Variants in HS3ST4 observed in about 807,000 individuals in gnomAD.
The protein encoded by HS3ST4 is heparan sulfate glucosamine 3-O-sulfotransferase 4.
HS3ST4 carries 17 observed loss-of-function variants against 29.2 expected under a neutral mutation model. The observed-to-expected ratio is 0.58, with a 90% CI of 0.40 to 0.87. The LOEUF (loss-of-function observed/expected upper bound fraction) is 0.87, where lower values mean the gene tolerates loss of function less well. Ranked by LOEUF, HS3ST4 falls within the 40% of genes least tolerant of loss-of-function variation. The pLI, the probability that HS3ST4 is intolerant of heterozygous loss-of-function variation, is 0.00. For synonymous variants in HS3ST4, 314 were observed against 285.7 expected, an observed-to-expected ratio of 1.10 and a Z score of -1.00; for missense variants, 627 against 634.5, an observed-to-expected ratio of 0.99 and a Z score of 0.13.
chr16:25,739,536 G>A (rs139320716), intron 1 of HS3ST4, among the ~76,000 whole-genome samples: 20 of 151,138 alleles, frequency 1.3e-4, no homozygotes, highest in Non-Finnish European at 2.6e-4. Flanking sequence ...CAAAAAACTC[G>A]AAAGACTCAC....
At chr16:26,077,685 G>T (rs1320117996) in intron 1 of HS3ST4, among the ~76,000 whole-genome samples, 1 of 152,176 alleles carries the variant, frequency 6.6e-6, no homozygotes, top group Non-Finnish European at 1.5e-5. Flanking sequence ...AGTGAGTATT[G>T]GTAGCATGCA....
At chr16:25,857,992 T>TTTC (rs1967599485) in intron 1 of HS3ST4, among the ~76,000 whole-genome samples, 1 of 143,902 alleles carries the variant, frequency 6.9e-6, no homozygotes. Flanking sequence ...TCTTTCTTTT[T>TTTC]CTTCCTTCTT....
rs893869847 is a variant in HS3ST4, at chr16:25,705,010, G to A, written c.734+11859G>A. Among the ~76,000 whole-genome samples, 92 of 152,044 alleles carry A rather than the reference G, an allele frequency of 6.1e-4. 1 individual carries two copies. Among genetic ancestry groups the A allele is most frequent in the Admixed American group, 6.0e-3 (91 of 15,270 alleles). ...GTGCTGGGATTACCTGTGAGCCACC[G>A]CACCCGGCCCTGGGTGCCTTCCTAC... On this transcript the variant is annotated intron_variant, in intron 1 of 1. Transcript: ENST00000331351.
chr16:25,779,029 A>G (rs1237804611), intron 1 of HS3ST4, among the ~76,000 whole-genome samples: 2 of 151,968 alleles, frequency 1.3e-5, no homozygotes, highest in African/African-American at 4.8e-5. Context: ...CACACACCCT[A>G]CTGGTTCTGT....
chr16:26,027,200 A>G (rs748707501), intron 1 of HS3ST4, among the ~76,000 whole-genome samples: 7 of 152,342 alleles, frequency 4.6e-5, no homozygotes, highest in Non-Finnish European at 8.8e-5. Context: ...GACTGTAGCC[A>G]TGCTGTCAGG....
chr16:25,788,919 C>T lies in HS3ST4; in HGVS notation c.734+95768C>T, dbSNP rs1439069688. On this transcript the variant is annotated intron_variant, in intron 1 of 1. Transcript: ENST00000331351. Reference sequence around the variant, plus strand: ...AAGATTATGTTTACAGGTGGGTTATCAATGTCGATGGTGAACTTTCTTGTT... The same window carrying T: ...AAGATTATGTTTACAGGTGGGTTATTAATGTCGATGGTGAACTTTCTTGTT... Among the ~76,000 whole-genome samples, 3 of 152,112 alleles carry T rather than the reference C, an allele frequency of 2.0e-5. No homozygotes were observed. In the East Asian group the frequency reaches 5.8e-4, roughly 29 times the overall value.
chr16:25,707,318 C>A (rs117671880), intron 1 of HS3ST4, among the ~76,000 whole-genome samples: 6,642 of 152,098 alleles, frequency 0.044, 185 homozygotes, highest in Non-Finnish European at 0.06. Context: ...ACCATAATCA[C>A]GTAACTTTTA....
chr16:25,835,885 C>T lies in HS3ST4; in HGVS notation c.734+142734C>T, dbSNP rs115866456. Among the ~76,000 whole-genome samples, 569 of 152,182 alleles carry T rather than the reference C, an allele frequency of 3.7e-3. 5 individuals carry two copies. Among genetic ancestry groups the T allele is most frequent in the African/African-American group, 0.013 (537 of 41,492 alleles). ...CTTGCTTGCGAGCAACAGAAATTGA[C>T]GCTGGCTCACTGAAGCAGAAGAGAA... On this transcript the variant is annotated intron_variant, in intron 1 of 1. Coordinates refer to ENST00000331351, the MANE Select transcript of HS3ST4 (RefSeq NM_006040.3).
intron 1 of HS3ST4, among the ~76,000 whole-genome samples, chr16:25,868,480 G>T (rs1179570903): frequency 6.6e-6 from 1 of 152,034 alleles, no homozygotes; most frequent in East Asian, 1.9e-4. Flanking sequence ...CCTTGACACA[G>T]AGCAACAGCC....
intron 1 of HS3ST4, among the ~76,000 whole-genome samples, chr16:26,135,180 C>A (rs1198313078): frequency 1.3e-5 from 2 of 152,046 alleles, no homozygotes; most frequent in African/African-American, 2.4e-5. Context: ...ATAATAATTT[C>A]TTTAATTTAT....
chr16:26,057,096 AT>A (rs1458533779), intron 1 of HS3ST4, among the ~76,000 whole-genome samples: 5 of 152,180 alleles, frequency 3.3e-5, no homozygotes, highest in Admixed American at 6.5e-5. Flanking sequence ...TGGATTTTGG[AT>A]TTTCAGATTT....
intron 1 of HS3ST4, among the ~76,000 whole-genome samples, chr16:25,948,099 T>C (rs546405563): frequency 9.2e-5 from 14 of 152,310 alleles, no homozygotes; most frequent in Admixed American, 7.2e-4. Flanking sequence ...AGAAAGGCAA[T>C]GAGGTACGTA....
chr16:26,111,711 A>G (rs1899131394), intron 1 of HS3ST4, among the ~76,000 whole-genome samples: 1 of 152,166 alleles, frequency 6.6e-6, no homozygotes, highest in African/African-American at 2.4e-5. Flanking sequence ...TTTTATAATG[A>G]AAATGTTTTT....
chr16:25,903,743 G>C (rs1000729326), intron 1 of HS3ST4, among the ~76,000 whole-genome samples: 1 of 152,050 alleles, frequency 6.6e-6, no homozygotes, highest in East Asian at 1.9e-4. Flanking sequence ...TTGCACACCT[G>C]TTGTTACTGA....
intron 1 of HS3ST4, among the ~76,000 whole-genome samples, chr16:26,035,529 C>G (rs1239005469): frequency 6.6e-6 from 1 of 152,234 alleles, no homozygotes; most frequent in Non-Finnish European, 1.5e-5. Flanking sequence ...TTCTTTTGCA[C>G]AAAGCACAAA....
chr16:26,115,579 G>T (rs1303803067), intron 1 of HS3ST4, among the ~76,000 whole-genome samples: 1 of 152,044 alleles, frequency 6.6e-6, no homozygotes, highest in Non-Finnish European at 1.5e-5. Context: ...CCTGGAAAAA[G>T]AAATATTTTA....
At chr16:25,747,293 G>C (rs1169268595) in intron 1 of HS3ST4, among the ~76,000 whole-genome samples, 1 of 152,228 alleles carries the variant, frequency 6.6e-6, no homozygotes, top group Non-Finnish European at 1.5e-5. Flanking sequence ...TGACACCACA[G>C]GCATACAGAT....
intron 1 of HS3ST4, among the ~76,000 whole-genome samples, chr16:25,843,256 A>G (rs1967434163): frequency 6.6e-6 from 1 of 152,158 alleles, no homozygotes; most frequent in Admixed American, 6.5e-5. Flanking sequence ...TACTCTGCAG[A>G]CAGACGATGC....
chr16:25,963,076 A>G (rs1303903886), intron 1 of HS3ST4, among the ~76,000 whole-genome samples: 2 of 152,298 alleles, frequency 1.3e-5, no homozygotes, highest in East Asian at 3.9e-4. Context: ...ATTAAATTAA[A>G]TTAAATCCAG....
Sources: allele counts gnomAD v4.1 joint callset (sites outside exome capture counted in the v4.1 genomes callset), GRCh38; gene constraint gnomAD v4.1.1; transcripts MANE v1.5; gene names NCBI Gene and HGNC (gene_info 2026-07-23, HGNC 2026-07-21).